ARHGEF12: variants seen among roughly 807,000 people sequenced by gnomAD.
ARHGEF12 encodes Rho guanine nucleotide exchange factor 12, also known as KMT2A/ARHGEF12 fusion protein.
A neutral mutation model predicts 211.2 loss-of-function variants in ARHGEF12; 66 were observed. The observed-to-expected ratio is 0.31, with a 90% CI of 0.26 to 0.38. ARHGEF12 has a LOEUF of 0.38. Among genes scored for constraint, ARHGEF12 ranks in the 10% least tolerant of loss-of-function variants. The pLI is 1.00. For missense variants in ARHGEF12, 1,429 were observed against 1,869.5 expected, an observed-to-expected ratio of 0.76 and a Z score of 4.34; for synonymous variants, 592 against 638.4, an observed-to-expected ratio of 0.93 and a Z score of 1.09.
chr11:120,370,910 G>C (rs557424734), intron 1 of ARHGEF12, among the ~76,000 whole-genome samples: 2 of 151,724 alleles, frequency 1.3e-5, no homozygotes, highest in Admixed American at 6.6e-5. Context: ...ATTTAAGGTA[G>C]TGTGTTATAG....
intron 1 of ARHGEF12, among the ~76,000 whole-genome samples, chr11:120,358,832 G>GC (rs1357977503): frequency 2.6e-4 from 40 of 152,312 alleles, no homozygotes; most frequent in Middle Eastern, 3.4e-3. Flanking sequence ...GAGCAACTTT[G>GC]CTGGGTGGTT....
chr11:120,471,285 G>T (rs114835846), intron 30 of ARHGEF12, among the ~76,000 whole-genome samples: 1 of 152,128 alleles, frequency 6.6e-6, no homozygotes, highest in African/African-American at 2.4e-5. Context: ...GATAGGAAAG[G>T]AATGTACCAC....
intron 29 of ARHGEF12, 122 bp downstream of exon 29, chr11:120,467,430 TTTC>T: frequency 7.4e-6 from 4 of 543,910 alleles, no homozygotes; most frequent in Non-Finnish European, 6.2e-6. Flanking sequence ...ATGACAAGAT[TTTC>T]TTTTTTTTTT....
chr11:120,407,670 A>G (rs2135578499), intron 2 of ARHGEF12, 68 bp from the exon 3 acceptor site: 1 of 1,221,544 alleles, frequency 8.2e-7, no homozygotes, highest in Non-Finnish European at 1.2e-6. Context: ...ATCCACTTTT[A>G]GAATTTTAAA....
At chr11:120,449,061 G>T in intron 20 of ARHGEF12, 48 bp from the exon 21 acceptor site, 2 of 1,534,008 alleles carry the variant, frequency 1.3e-6, no homozygotes, top group Middle Eastern at 1.8e-4. Flanking sequence ...AATCGCAAAA[G>T]AAATTTACTC....
intron 1 of ARHGEF12, among the ~76,000 whole-genome samples, chr11:120,351,437 ATATATATATATATATATATTTTTTTT>A (rs1227033884): frequency 1.8e-3 from 6 of 3,292 alleles, no homozygotes; most frequent in Non-Finnish European, 2.4e-3. Context: ...ATATATATAT[ATATATATATATATATATATTTTTTTT>A]TTTTTTTTTT....
chr11:120,467,352 A>G (rs1361380119), intron 29 of ARHGEF12, 44 bp downstream of exon 29: 3 of 1,175,028 alleles, frequency 2.6e-6, no homozygotes, highest in African/African-American at 3.0e-5. Flanking sequence ...AACAACAACA[A>G]CGAAACACCC....
chr11:120,447,354 T>A (rs1946076100), intron 18 of ARHGEF12: 1 of 346,640 alleles, frequency 2.9e-6, no homozygotes, highest in East Asian at 5.3e-5. Context: ...TTTCATTATT[T>A]TCAATTTATA....
chr11:120,356,332 T>G (rs1482666620), intron 1 of ARHGEF12, among the ~76,000 whole-genome samples: 1 of 152,186 alleles, frequency 6.6e-6, no homozygotes, highest in African/African-American at 2.4e-5. Context: ...GCGATTCTTG[T>G]GGCTGAGCCA....
intron 1 of ARHGEF12, among the ~76,000 whole-genome samples, chr11:120,370,437 T>C (rs562762925): frequency 6.6e-6 from 1 of 152,184 alleles, no homozygotes; most frequent in Non-Finnish European, 1.5e-5. Context: ...TCTTCAAAAT[T>C]TTCATCGCTA....
chr11:120,457,020 T>C, intron 22 of ARHGEF12, 98 bp from the exon 23 acceptor site: 1 of 1,104,182 alleles, frequency 9.1e-7, no homozygotes, highest in Non-Finnish European at 1.3e-6. Flanking sequence ...AATGTAGCTA[T>C]GGATTAGGCT....
chr11:120,431,923 G>T lies in ARHGEF12; in HGVS notation c.924+12G>T, dbSNP rs1332564352. 5.7e-6 allele frequency: 9 copies of T among 1,569,504 alleles called. No homozygotes were observed. The highest frequency in any genetic ancestry group is 7.8e-6 in the Non-Finnish European group (9 of 1,160,706). ...GTGACAATGCAGATGTAAGCTTTCA[G>T]TTTTCTAAATCTTTTTTCTTCTGTA... On this transcript the variant is annotated intron_variant, in intron 11 of 40. Transcript: ENST00000397843.
chr11:120,355,406 T>G (rs12290907), intron 1 of ARHGEF12, among the ~76,000 whole-genome samples: 2,606 of 152,314 alleles, frequency 0.017, 85 homozygotes, highest in African/African-American at 0.06. Flanking sequence ...TCTAGGTACT[T>G]TATATACATC....
rs529895059 is a variant in ARHGEF12 at position 120,448,354 on chromosome 11, A to G, written c.1737+6A>G. ...GATTTCTTCCCAAAATCAAGGTAAG[A>G]ATGAAATAATGTAATAGCATGTTCA... On this transcript the variant is annotated splice_donor_region_variant and intron_variant, in intron 20 of 40. Transcript: ENST00000397843. 8.1e-6 allele frequency: 13 copies of G among 1,607,060 alleles called. No individual in the cohort carries two copies. In the African/African-American group the frequency reaches 1.6e-4, roughly 20 times the overall value.
At chr11:120,477,063 T>C (rs963124956) in intron 34 of ARHGEF12, 156 bp from the exon 35 acceptor site, 1 of 664,976 alleles carries the variant, frequency 1.5e-6, no homozygotes, top group Admixed American at 2.8e-5. Context: ...AATAAAGATA[T>C]TCTCTGGCAG....
intron 4 of ARHGEF12, among the ~76,000 whole-genome samples, chr11:120,413,194 TG>T (rs796176769): frequency 1.6e-4 from 25 of 152,332 alleles, no homozygotes; most frequent in African/African-American, 5.8e-4. Flanking sequence ...AAACATGTTT[TG>T]GCATTCTTCC....
chr11:120,467,165 C>T (rs371454629), intron 28 of ARHGEF12, 29 bp from the exon 29 acceptor site: 1 of 1,392,196 alleles, frequency 7.2e-7, no homozygotes, highest in Non-Finnish European at 1.0e-6. Flanking sequence ...ATAAGAATTA[C>T]AGATTCACTT....
At chr11:120,379,286 CT>C (rs1438001763) in intron 1 of ARHGEF12, among the ~76,000 whole-genome samples, 1 of 151,916 alleles carries the variant, frequency 6.6e-6, no homozygotes, top group East Asian at 1.9e-4. Flanking sequence ...CATACTGTTA[CT>C]AAACTTGCTT....
intron 12 of ARHGEF12, chr11:120,438,709 A>T (rs544934095): frequency 3.9e-5 from 6 of 152,210 alleles, no homozygotes; most frequent in African/African-American, 9.7e-5. Flanking sequence ...AGATCTTGCA[A>T]TGTTAAACTG....
Sources: allele counts gnomAD v4.1 joint callset (sites outside exome capture counted in the v4.1 genomes callset), GRCh38; gene constraint gnomAD v4.1.1; transcripts MANE v1.5; gene names NCBI Gene and HGNC (gene_info 2026-07-23, HGNC 2026-07-21).